SCUBE2: variants seen among roughly 807,000 people sequenced by gnomAD.
The protein encoded by SCUBE2 is signal peptide, CUB and EGF-like domain-containing protein 2.
In SCUBE2, 114 loss-of-function variants were observed where a neutral mutation model predicts 125.9. That is an observed-to-expected ratio of 0.91 (90% CI 0.78 to 1.06). SCUBE2 has a LOEUF of 1.06. SCUBE2 is among the 50% of genes least tolerant of loss of function. The pLI is 0.00. For missense variants in SCUBE2, 1,255 were observed against 1,301.8 expected, an observed-to-expected ratio of 0.96 and a Z score of 0.55; for synonymous variants, 459 against 492.9, an observed-to-expected ratio of 0.93 and a Z score of 0.91.
rs762446913 is a variant in SCUBE2 at position 9,027,372 on chromosome 11, C to T, written c.2693G>A (p.Arg898Gln). The change falls in exon 20 of 23, where the codon CGG becomes CAG. Residue 898 changes from arginine (R) to glutamine (Q), a missense_variant. Arg to Gln is a conservative substitution (Grantham distance 43, BLOSUM62 1). Coordinates refer to ENST00000649792, the MANE Select transcript of SCUBE2 (RefSeq NM_001367977.2). ...EDDCGDYLVMRKTSSSNSVTT... is the reference protein window; with the variant it reads ...EDDCGDYLVMQKTSSSNSVTT... ...GAGGGAGTGAGACGCACAGGTTTTC[C>T]GCATCACCAGATAGTCCCCACAGTC... is the stretch of plus-strand genomic sequence containing the variant. 1.4e-5 allele frequency: 23 copies of T among 1,613,858 alleles called. No homozygotes were observed. Among genetic ancestry groups the T allele is most frequent in the East Asian group, 4.5e-5 (2 of 44,874 alleles).
At chr11:9,085,931 C>G (rs1862030372) in intron 2 of SCUBE2, among the ~76,000 whole-genome samples, 1 of 151,690 alleles carries the variant, frequency 6.6e-6, no homozygotes, top group African/African-American at 2.4e-5. Context: ...CTCCTGGGCT[C>G]AAGTGATCCT....
intron 3 of SCUBE2, among the ~76,000 whole-genome samples, 170 bp downstream of exon 3, chr11:9,079,214 C>A (rs1413597527): frequency 6.6e-6 from 1 of 152,186 alleles, no homozygotes; most frequent in African/African-American, 2.4e-5. Context: ...TGAATGATCA[C>A]ATAAAACTGA....
At chr11:9,043,319 T>C (rs1857410989) in intron 16 of SCUBE2, among the ~76,000 whole-genome samples, 1 of 152,198 alleles carries the variant, frequency 6.6e-6, no homozygotes. Context: ...ATCCAGTGTA[T>C]TTCTTAAATA....
chr11:9,027,712 G>A (rs1855914651), intron 19 of SCUBE2, 151 bp from the exon 20 acceptor site: 4 of 678,368 alleles, frequency 5.9e-6, no homozygotes, highest in African/African-American at 3.6e-5. Flanking sequence ...CCTTCCCAGA[G>A]GGCCCCCTGT....
intron 4 of SCUBE2, 53 bp from the exon 5 acceptor site, chr11:9,069,548 C>T: frequency 6.2e-7 from 1 of 1,609,190 alleles, no homozygotes; most frequent in South Asian, 1.1e-5. Flanking sequence ...GAATCCTGAG[C>T]CCTGGGAGAG....
chr11:9,050,490 CA>C lies in SCUBE2; in HGVS notation c.1639+115del, dbSNP rs1858239233. 19 of 755,098 alleles carry C rather than the reference CA, an allele frequency of 2.5e-5. No homozygotes were observed. The East Asian group carries it at 4.4e-4, about 18-fold the overall frequency. The allele number at this position is 755,098 out of a possible 1,614,324, so 46.8% of individuals were successfully genotyped here. A position where few individuals can be genotyped will look rare whatever the true frequency, so the allele number is the denominator to read the frequency against. On this transcript the variant is annotated intron_variant, in intron 14 of 22. Coordinates refer to ENST00000649792, the MANE Select transcript of SCUBE2 (RefSeq NM_001367977.2). ...GTTGGGGATGGTTCAGTTCCATCTG[CA>C]GTGTGCTTGGATCGGCTGGACAGCC...
intron 6 of SCUBE2, among the ~76,000 whole-genome samples, chr11:9,066,251 T>C (rs1860219431): frequency 6.6e-6 from 1 of 152,136 alleles, no homozygotes; most frequent in Non-Finnish European, 1.5e-5. Context: ...TTCAGTCCCC[T>C]GAGTCGAGGA....
intron 2 of SCUBE2, among the ~76,000 whole-genome samples, chr11:9,086,091 C>A (rs1862046463): frequency 6.6e-6 from 1 of 152,156 alleles, no homozygotes; most frequent in African/African-American, 2.4e-5. Flanking sequence ...GCCTCAGCCG[C>A]CCAAAGTGCT....
chr11:9,029,915 A>G lies in SCUBE2; in HGVS notation c.2472T>C (p.Phe824=). Residue 824 remains phenylalanine, a synonymous_variant, in exon 19 of 23, where the codon TTT becomes TTC. Coordinates refer to ENST00000649792, the MANE Select transcript of SCUBE2 (RefSeq NM_001367977.2). The part of the protein sequence containing the change: ...VSCPGNTTTD[F]DGSTNITQCK... ...ACTGGGTTATGTTTGTGGAGCCATC[A>G]AAGTCAGTCGTAGTATTTCCTGGGC... 1 of 1,614,226 alleles carries G rather than the reference A, an allele frequency of 6.2e-7. No individual in the cohort carries two copies. The highest frequency in any genetic ancestry group is 8.5e-7 in the Non-Finnish European group (1 of 1,180,038).
intron 19 of SCUBE2, among the ~76,000 whole-genome samples, chr11:9,028,463 C>T (rs1396265599): frequency 6.6e-6 from 1 of 152,206 alleles, no homozygotes; most frequent in East Asian, 1.9e-4. Context: ...ACAGACCCCT[C>T]CTTCACCCAC....
At chr11:9,038,143 A>C (rs1856894269) in intron 16 of SCUBE2, among the ~76,000 whole-genome samples, 1 of 152,112 alleles carries the variant, frequency 6.6e-6, no homozygotes, top group African/African-American at 2.4e-5. Context: ...CCCTGTTCTA[A>C]TGGGGTTCTC....
intron 22 of SCUBE2, among the ~76,000 whole-genome samples, 156 bp downstream of exon 22, chr11:9,021,720 A>T (rs544550537): frequency 2.0e-5 from 3 of 152,344 alleles, no homozygotes; most frequent in South Asian, 4.1e-4. Flanking sequence ...TGATTTTTTT[A>T]AAAATTAAGT....
chr11:9,045,608 CAG>C (rs200097000), intron 16 of SCUBE2, among the ~76,000 whole-genome samples: 950 of 47,034 alleles, frequency 0.02, 6 homozygotes, highest in African/African-American at 0.027. Flanking sequence ...GACAGACAGA[CAG>C]ACACACACAC....
In SCUBE2 at chr11:9,066,857, C is replaced by T; in HGVS notation, c.644-44G>A. ...AATACATAAAGCACTGAGATTTCCA[C>T]AAACACAGGGCTGTGTTTGCTCCAG... On this transcript the variant is annotated intron_variant, in intron 5 of 22. Transcript: ENST00000649792. 2.0e-6 allele frequency: 3 copies of T among 1,473,840 alleles called. No homozygotes were observed. The South Asian group carries it at 3.4e-5, about 17-fold the overall frequency. The allele number at this position is 1,473,840 out of a possible 1,614,324, so 91.3% of individuals were successfully genotyped here.
At chr11:9,060,174 G>A (rs1398307321) in intron 8 of SCUBE2, among the ~76,000 whole-genome samples, 1 of 152,170 alleles carries the variant, frequency 6.6e-6, no homozygotes, top group Non-Finnish European at 1.5e-5. Context: ...TTTGATGCTT[G>A]TAGAGGCTGA....
rs1288595742 is a variant in SCUBE2 at position 9,066,820 on chromosome 11, G to A, written c.644-7C>T. 4 of 1,605,844 alleles carry A rather than the reference G, an allele frequency of 2.5e-6. No homozygotes were observed. Among genetic ancestry groups the A allele is most frequent in the African/African-American group, 2.7e-5 (2 of 74,900 alleles). On this transcript the variant is annotated splice_polypyrimidine_tract_variant and splice_region_variant and intron_variant, in intron 5 of 22. Coordinates refer to ENST00000649792, the MANE Select transcript of SCUBE2 (RefSeq NM_001367977.2). ...TTCCCATGGTTACAGGTCACTGACA[G>A]CAAAATGAATCAATACATAAAGCAC...
At chr11:9,056,631 G>T (rs921704054) in intron 9 of SCUBE2, among the ~76,000 whole-genome samples, 2 of 152,156 alleles carry the variant, frequency 1.3e-5, no homozygotes, top group African/African-American at 2.4e-5. Context: ...TGGCTGCAGC[G>T]GGGGTCATGC....
intron 4 of SCUBE2, among the ~76,000 whole-genome samples, chr11:9,073,409 T>C (rs1860970136): frequency 6.6e-6 from 1 of 151,390 alleles, no homozygotes; most frequent in Admixed American, 6.6e-5. Flanking sequence ...CCCCTGGGGG[T>C]TCCTCTGACA....
Position 9,053,737 on chromosome 11 carries a change from G to A in SCUBE2, c.1230C>T (p.Asn410=). The change falls in exon 11 of 23, where the codon AAC becomes AAT. Residue 410 remains asparagine (N), a synonymous_variant. Coordinates refer to ENST00000649792, the MANE Select transcript of SCUBE2 (RefSeq NM_001367977.2). ...CACAGACCTGCTGACAGCCTCCGTT[G>A]TTGATGCTGCACTCATTGGTGTCTG... is the stretch of plus-strand genomic sequence containing the variant. ...HCGDTNECSI[N]NGGCQQVCVN... is the part of the protein sequence containing the mutation. 6.2e-7 allele frequency: 1 copy of A among 1,614,148 alleles called. No individual in the cohort carries two copies. The highest frequency in any genetic ancestry group is 8.5e-7 in the Non-Finnish European group (1 of 1,179,998).
Sources: allele counts gnomAD v4.1 joint callset (sites outside exome capture counted in the v4.1 genomes callset), GRCh38; gene constraint gnomAD v4.1.1; transcripts MANE v1.5; gene names NCBI Gene and HGNC (gene_info 2026-07-23, HGNC 2026-07-21).